The following CCDC141 variants were observed in gnomAD, a reference collection of about 807,000 sequenced individuals.
CCDC141 encodes the protein coiled-coil domain containing 141.
A neutral mutation model predicts 181.0 loss-of-function variants in CCDC141; 168 were observed. The ratio of observed to expected loss-of-function variants is 0.93; its 90% CI spans 0.82 to 1.05. CCDC141 has a LOEUF of 1.05. Among genes scored for constraint, CCDC141 ranks in the 50% least tolerant of loss-of-function variants. The probability of loss-of-function intolerance (pLI) is 0.00; values close to 1 mark genes in which losing one functional copy is unlikely to be tolerated. For missense variants in CCDC141, 1,902 were observed against 1,788.5 expected (o/e 1.06, Z -1.14); for synonymous variants, 666 against 642.3 (o/e 1.04, Z -0.56).
chr2:178,918,594 C>T (rs1320659230), intron 7 of CCDC141, 119 bp downstream of exon 7: 1 of 695,578 alleles, frequency 1.4e-6, no homozygotes, highest in East Asian at 2.7e-5. Context: ...TTGCTGCTAT[C>T]AGTTTTGAAA....
rs1253472954 is a variant in CCDC141, at chr2:179,013,971, A to C, written c.225+33313T>G. 1.4e-3 allele frequency among the ~76,000 whole-genome samples: 214 copies of C among 149,408 alleles called. 4 individuals carry two copies. The highest frequency in any genetic ancestry group is 5.0e-3 in the African/African-American group (204 of 40,876). ...GTGAGACTCCATCTCAAAAAAAAAA[A>C]AAAAAAAAAAAAAAAAGGACAAATC... On this transcript the variant is annotated intron_variant, in intron 2 of 23. Transcript: ENST00000443758.
intron 8 of CCDC141, among the ~76,000 whole-genome samples, chr2:178,894,148 C>T (rs1261448427): frequency 6.6e-6 from 1 of 152,120 alleles, no homozygotes; most frequent in African/African-American, 2.4e-5. Flanking sequence ...CACCTCAAGC[C>T]CTCTTCTGGT....
chr2:178,987,190 CA>C (rs1269245404), intron 2 of CCDC141, among the ~76,000 whole-genome samples: 1 of 141,502 alleles, frequency 7.1e-6, no homozygotes, highest in Non-Finnish European at 1.5e-5. Flanking sequence ...TGATCTTTGA[CA>C]AACCTGACAA....
chr2:178,896,350 G>A lies in CCDC141; in HGVS notation c.1266-7682C>T, dbSNP rs989358852. 9.2e-5 allele frequency among the ~76,000 whole-genome samples: 14 copies of A among 152,168 alleles called. 1 individual carries two copies. The South Asian group carries it at 1.0e-3, about 11-fold the overall frequency. The stretch of plus-strand genomic sequence containing the variant: ...CTGTACTCATGGGCCCCTCGTGCCT[G>A]GAGCACACTTCCTTGATGTGCAGCT... On this transcript the variant is annotated intron_variant, in intron 8 of 23. Coordinates refer to ENST00000443758, the MANE Select transcript of CCDC141 (RefSeq NM_173648.4).
intron 6 of CCDC141, among the ~76,000 whole-genome samples, chr2:178,935,516 A>G (rs558586997): frequency 1.3e-5 from 2 of 152,020 alleles, no homozygotes; most frequent in African/African-American, 4.8e-5. Flanking sequence ...TCTTTATTCA[A>G]TCTGTCATTG....
At chr2:178,951,143 T>A (rs16866577) in intron 5 of CCDC141, among the ~76,000 whole-genome samples, 7,127 of 152,328 alleles carry the variant, frequency 0.047, 217 homozygotes, top group South Asian at 0.079. Context: ...AGACATTGTT[T>A]TTCAGGAGAG....
rs114688738 is a variant in CCDC141 at position 179,028,396 on chromosome 2, G to T, written c.225+18888C>A. Among the ~76,000 whole-genome samples the T allele has an allele frequency of 2.7e-3, 418 of 152,242 alleles. 6 individuals are homozygous for T. The highest frequency in any genetic ancestry group is 9.8e-3 in the African/African-American group (406 of 41,520). On this transcript the variant is annotated intron_variant, in intron 2 of 23. Transcript: ENST00000443758. ...GCTTCGCAGTCAGCATCTTCCATTT[G>T]CTTCAGTGGAACAACAGTTTACCCT...
At chr2:178,919,435 C>A (rs1238859453) in intron 6 of CCDC141, among the ~76,000 whole-genome samples, 1 of 152,114 alleles carries the variant, frequency 6.6e-6, no homozygotes, top group African/African-American at 2.4e-5. Flanking sequence ...GGAAAAGACA[C>A]AGAAAGAGGC....
chr2:178,923,700 C>T (rs1214964899), intron 6 of CCDC141, among the ~76,000 whole-genome samples: 2 of 152,112 alleles, frequency 1.3e-5, no homozygotes, highest in African/African-American at 2.4e-5. Flanking sequence ...CCGATACAGA[C>T]GTGAGGCCCT....
Position 178,988,135 on chromosome 2 carries a change from A to G in CCDC141, c.226-9460T>C, listed in dbSNP as rs547940977. Among the ~76,000 whole-genome samples, 210 of 152,306 alleles carry G rather than the reference A, an allele frequency of 1.4e-3. 5 individuals carry two copies. The South Asian group carries it at 0.043, about 31-fold the overall frequency. On this transcript the variant is annotated intron_variant, in intron 2 of 23. Transcript: ENST00000443758. ...ACATATACACCATGGAATACTATGC[A>G]GCAATAAAAAATGATGAGTTCATTT...
chr2:178,901,808 G>A (rs1202965169), intron 8 of CCDC141, among the ~76,000 whole-genome samples: 1 of 151,856 alleles, frequency 6.6e-6, no homozygotes, highest in African/African-American at 2.4e-5. Flanking sequence ...GAAAAGAGGA[G>A]GTCAAATTGT....
At chr2:179,004,124 G>A (rs1285627165) in intron 2 of CCDC141, among the ~76,000 whole-genome samples, 1 of 152,060 alleles carries the variant, frequency 6.6e-6, no homozygotes, top group Non-Finnish European at 1.5e-5. Context: ...AACAAATTTG[G>A]TCTATTGGTT....
chr2:178,985,114 A>G lies in CCDC141; in HGVS notation c.226-6439T>C, dbSNP rs373429293. 4.6e-5 allele frequency among the ~76,000 whole-genome samples: 7 copies of G among 151,352 alleles called. No homozygotes were observed. The East Asian group carries it at 5.8e-4, about 13-fold the overall frequency. On this transcript the variant is annotated intron_variant, in intron 2 of 23. Transcript: ENST00000443758. ...AAAAGAACAGAAATTATAACAAACTATCTCTCAGACCACAGTGCAATCGAA... is the reference window on the plus strand; with the variant it reads ...AAAAGAACAGAAATTATAACAAACTGTCTCTCAGACCACAGTGCAATCGAA...
At chr2:178,873,277 C>T (rs1392791429) in intron 12 of CCDC141, 1 of 133,870 alleles carries the variant, frequency 7.5e-6, no homozygotes, top group African/African-American at 3.0e-5. Flanking sequence ...TTATTTTACA[C>T]ATTATAAAGT....
At chr2:178,987,042 G>A (rs1256756902) in intron 2 of CCDC141, among the ~76,000 whole-genome samples, 9 of 151,434 alleles carry the variant, frequency 5.9e-5, no homozygotes, top group African/African-American at 9.7e-5. Context: ...AAAGCTGGAG[G>A]CATCACACTA....
At chr2:178,989,741 A>G (rs1691952337) in intron 2 of CCDC141, among the ~76,000 whole-genome samples, 1 of 150,882 alleles carries the variant, frequency 6.6e-6, no homozygotes, top group South Asian at 2.1e-4. Context: ...AAGTGCACAC[A>G]AAGATGCTCA....
At chr2:179,028,714 T>C (rs1471696363) in intron 2 of CCDC141, among the ~76,000 whole-genome samples, 1 of 152,206 alleles carries the variant, frequency 6.6e-6, no homozygotes, top group Non-Finnish European at 1.5e-5. Flanking sequence ...AATTCATTAC[T>C]TTATCAAAAT....
At chr2:178,824,423 G>A in the CCDC141 span, among the ~76,000 whole-genome samples, 1 of 151,944 alleles carries the variant, frequency 6.6e-6, no homozygotes, top group Non-Finnish European at 1.5e-5. Context: ...AAGAGTTTGG[G>A]ACCAGCCTGG....
intron 21 of CCDC141, among the ~76,000 whole-genome samples, chr2:178,846,918 T>C (rs1684962673): frequency 6.6e-6 from 1 of 152,210 alleles, no homozygotes; most frequent in Admixed American, 6.5e-5. Flanking sequence ...TGACAGGAAT[T>C]GCTGAGCCCA....
Sources: allele counts gnomAD v4.1 joint callset (sites outside exome capture counted in the v4.1 genomes callset), GRCh38; gene constraint gnomAD v4.1.1; transcripts MANE v1.5; gene names NCBI Gene and HGNC (gene_info 2026-07-23, HGNC 2026-07-21).